Variants in BTNL8 observed in about 807,000 individuals in gnomAD.
The protein encoded by BTNL8 is butyrophilin like 8, also known as butyrophilin-like protein 8.
In BTNL8, 22 loss-of-function variants were observed where a neutral mutation model predicts 36.1. The observed-to-expected ratio is 0.61, with a 90% CI of 0.44 to 0.87. The LOEUF (loss-of-function observed/expected upper bound fraction) is 0.87, where lower values mean the gene tolerates loss of function less well. BTNL8 is among the 40% of genes least tolerant of loss of function. The probability of loss-of-function intolerance (pLI) is 0.00; values close to 1 mark genes in which losing one functional copy is unlikely to be tolerated. For synonymous variants in BTNL8, 203 were observed against 235.6 expected (o/e 0.86, Z 1.27); for missense variants, 526 against 616.9 (o/e 0.85, Z 1.56).
intron 2 of BTNL8, among the ~76,000 whole-genome samples, chr5:180,910,426 C>T (rs771574984): frequency 3.9e-5 from 6 of 152,172 alleles, no homozygotes; most frequent in Non-Finnish European, 7.3e-5. Context: ...ACATAACTCA[C>T]AGACTTCCTG....
intron 3 of BTNL8, among the ~76,000 whole-genome samples, chr5:180,942,756 CCTAT>C (rs1411769269): frequency 6.6e-6 from 1 of 151,854 alleles, no homozygotes; most frequent in Non-Finnish European, 1.5e-5. Context: ...TGAACTAACC[CCTAT>C]CTCTCACCAT....
In BTNL8 at chr5:180,902,517, G is replaced by A. The variant is rs1189074498; in HGVS notation, c.49+3158G>A. 7.4e-6 allele frequency: 6 copies of A among 807,374 alleles called. No homozygotes were observed. In the African/African-American group the frequency reaches 1.1e-4, roughly 15 times the overall value. The allele number at this position is 807,374 out of a possible 1,614,324, so 50.0% of individuals were successfully genotyped here. A position where few individuals can be genotyped will look rare whatever the true frequency, so the allele number is the denominator to read the frequency against. On this transcript the variant is annotated intron_variant, in intron 1 of 7. Transcript: ENST00000340184. ...CCCTGAGTAGGTCACACTATAAAGG[G>A]TTTTTTTTTTTGTTTTTGCTTTTAT... is the stretch of plus-strand genomic sequence containing the variant.
chr5:180,927,743 A>G (rs1331579961), intron 3 of BTNL8, among the ~76,000 whole-genome samples: 1 of 152,198 alleles, frequency 6.6e-6, no homozygotes, highest in African/African-American at 2.4e-5. Context: ...GAAACTGAAG[A>G]TCAGCTTAAT....
At chr5:180,937,002 C>T (rs138707815) in intron 3 of BTNL8, among the ~76,000 whole-genome samples, 5,957 of 152,274 alleles carry the variant, frequency 0.039, 402 homozygotes, top group African/African-American at 0.14. Context: ...CAAGGACTGG[C>T]GCACTCAGCA....
At chr5:180,947,655 G>A (rs780627997) in intron 4 of BTNL8, 30 bp downstream of exon 4, 2 of 1,614,180 alleles carry the variant, frequency 1.2e-6, no homozygotes, top group Non-Finnish European at 1.7e-6. Flanking sequence ...ATGGGCCGGT[G>A]CCTTATTCAT....
chr5:180,900,998 CAG>C lies in BTNL8; in HGVS notation c.49+1640_49+1641del, dbSNP rs1425324890. Among the ~76,000 whole-genome samples, 25 of 152,292 alleles carry C rather than the reference CAG, an allele frequency of 1.6e-4. No homozygotes were observed. In the East Asian group the frequency reaches 4.8e-3, roughly 29 times the overall value. On this transcript the variant is annotated intron_variant, in intron 1 of 7. Transcript: ENST00000340184. ...CAGCAGAGAGGCAGAGGCCAGGCTCCAGGGACGGAGCTGTCAGCAGGCAGGGA... is the reference window on the plus strand; with the variant it reads ...CAGCAGAGAGGCAGAGGCCAGGCTCCGGACGGAGCTGTCAGCAGGCAGGGA...
chr5:180,909,716 T>TAA (rs578101929), intron 2 of BTNL8: 2,063 of 187,736 alleles, frequency 0.011, 38 homozygotes, highest in African/African-American at 0.041. Flanking sequence ...TCATCTCTAT[T>TAA]AAAAAAAAAA....
chr5:180,947,844 A>G, intron 4 of BTNL8: 2 of 1,473,704 alleles, frequency 1.4e-6, no homozygotes, highest in Non-Finnish European at 1.8e-6. Flanking sequence ...TAGGTCAAAT[A>G]ATAAGGGGAT....
At chr5:180,911,650 G>C in intron 3 of BTNL8, 36 bp downstream of exon 3, 1 of 1,562,634 alleles carries the variant, frequency 6.4e-7, no homozygotes, top group Non-Finnish European at 8.7e-7. Flanking sequence ...AAGGAGGGGT[G>C]GATGCTTCGG....
chr5:180,931,988 A>G (rs1758410284), intron 3 of BTNL8, among the ~76,000 whole-genome samples: 1 of 152,362 alleles, frequency 6.6e-6, no homozygotes, highest in African/African-American at 2.4e-5. Context: ...AAATCATTCT[A>G]CTATAAAGAC....
Position 180,899,315 on chromosome 5 carries a change from C to T in BTNL8, c.5C>T (p.Ala2Val). The change falls in exon 1 of 8, where the codon GCT (alanine) becomes GTT (valine). Residue 2 changes from alanine to valine, a missense_variant. Transcript: ENST00000340184. M[A>V]LMLSLVLSLL... is the part of the protein sequence containing the mutation. ...GTCCATTCACAGAACACATCCATGGCTCTCATGCTCAGTTTGGTTCTGAGT... is the reference window on the plus strand; with the variant it reads ...GTCCATTCACAGAACACATCCATGGTTCTCATGCTCAGTTTGGTTCTGAGT... 6.2e-7 allele frequency: 1 copy of T among 1,614,186 alleles called. No individual in the cohort carries two copies. The highest frequency in any genetic ancestry group is 8.5e-7 in the Non-Finnish European group (1 of 1,179,994).
chr5:180,928,317 A>C (rs1469167115), intron 3 of BTNL8, among the ~76,000 whole-genome samples: 1 of 152,216 alleles, frequency 6.6e-6, no homozygotes, highest in Non-Finnish European at 1.5e-5. Flanking sequence ...CCTGCCTTAC[A>C]AGAGCTCCTG....
In BTNL8 at chr5:180,930,842, C is replaced by T. The variant is rs1758340131; in HGVS notation, c.674-16670C>T. Among the ~76,000 whole-genome samples the T allele has an allele frequency of 2.0e-5, 3 of 152,266 alleles. No individual in the cohort carries two copies. The South Asian group carries it at 6.2e-4, about 32-fold the overall frequency. On this transcript the variant is annotated intron_variant, in intron 3 of 7. Coordinates refer to ENST00000340184, the MANE Select transcript of BTNL8 (RefSeq NM_001040462.3). ...CAAACAAATGGAAGAATATTCCATG[C>T]TCATCGATAGAAAGACTCAATATCA...
chr5:180,947,030 C>A (rs916685529), intron 3 of BTNL8, among the ~76,000 whole-genome samples: 36 of 152,176 alleles, frequency 2.4e-4, no homozygotes, highest in African/African-American at 8.7e-4. Flanking sequence ...TTTCTTAGAA[C>A]TTGACAAGTC....
intron 3 of BTNL8, 78 bp downstream of exon 3, chr5:180,911,692 T>C: frequency 1.5e-6 from 2 of 1,332,552 alleles, no homozygotes; most frequent in Non-Finnish European, 2.1e-6. Context: ...GCCTCCATCT[T>C]GGCATTGCTG....
chr5:180,932,315 C>T (rs1005744664), intron 3 of BTNL8, among the ~76,000 whole-genome samples: 1 of 152,144 alleles, frequency 6.6e-6, no homozygotes, highest in African/African-American at 2.4e-5. Flanking sequence ...TGTAACAAAC[C>T]TGCACATTCT....
chr5:180,933,259 A>G (rs767242791), intron 3 of BTNL8, among the ~76,000 whole-genome samples: 13 of 152,224 alleles, frequency 8.5e-5, no homozygotes, highest in South Asian at 2.1e-4. Flanking sequence ...ATCTAGACAC[A>G]CAATCAATAA....
chr5:180,908,556 A>C, intron 1 of BTNL8, 30 bp from the exon 2 acceptor site: 2 of 1,605,236 alleles, frequency 1.2e-6, no homozygotes, highest in Non-Finnish European at 1.7e-6. Flanking sequence ...AAGGGTTTTG[A>C]TGATTTATCT....
chr5:180,936,970 C>G lies in BTNL8; in HGVS notation c.674-10542C>G, dbSNP rs1758680435. On this transcript the variant is annotated intron_variant, in intron 3 of 7. Transcript: ENST00000340184. ...CCTGGAACAGTGGAGGCACCACACA[C>G]TGCCTGCATCCCCCAGGGTTCCAAG... is the stretch of plus-strand genomic sequence containing the variant. 4.6e-5 allele frequency among the ~76,000 whole-genome samples: 7 copies of G among 152,246 alleles called. 1 individual carries two copies. Among genetic ancestry groups the G allele is most frequent in the Admixed American group, 4.6e-4 (7 of 15,290 alleles).
Sources: gnomAD v4.1 joint callset for allele counts (sites outside exome capture counted in the v4.1 genomes callset) on GRCh38, gnomAD v4.1.1 for gene constraint, MANE v1.5 for transcripts, NCBI Gene and HGNC (gene_info 2026-07-23, HGNC 2026-07-21) for gene names.